Variants in MACROD2 observed in about 807,000 individuals in gnomAD.
MACROD2 encodes ADP-ribose glycohydrolase MACROD2.
A neutral mutation model predicts 70.4 loss-of-function variants in MACROD2; 36 were observed. The ratio of observed to expected loss-of-function variants is 0.51; its 90% CI spans 0.39 to 0.68. The LOEUF is 0.68. Ranked by LOEUF, MACROD2 falls within the 30% of genes least tolerant of loss-of-function variation. The pLI is 0.00. For synonymous variants in MACROD2, 172 were observed against 178.8 expected (o/e 0.96, Z 0.30); for missense variants, 496 against 538.4 (o/e 0.92, Z 0.78).
At chr20:15,719,326 G>T (rs2050751734) in intron 8 of MACROD2, among the ~76,000 whole-genome samples, 1 of 152,172 alleles carries the variant, frequency 6.6e-6, no homozygotes, top group African/African-American at 2.4e-5. Context: ...AGAAGGTACT[G>T]CAGCAAACTA....
chr20:15,155,979 G>A (rs1333685160), intron 5 of MACROD2, among the ~76,000 whole-genome samples: 2 of 152,152 alleles, frequency 1.3e-5, no homozygotes, highest in Non-Finnish European at 2.9e-5. Flanking sequence ...ACATCCTGGT[G>A]TGTGGGTTTT....
intron 3 of MACROD2, among the ~76,000 whole-genome samples, chr20:14,101,993 CTTTTTTTTTTT>C (rs66890047): frequency 1.0e-3 from 26 of 25,028 alleles, no homozygotes; most frequent in East Asian, 1.5e-3. Flanking sequence ...TTTAATGAGT[CTTTTTTTTTTT>C]TTTTTTTTTT....
At chr20:14,016,805 A>T (rs745722334) in intron 2 of MACROD2, among the ~76,000 whole-genome samples, 1 of 152,140 alleles carries the variant, frequency 6.6e-6, no homozygotes, top group Non-Finnish European at 1.5e-5. Flanking sequence ...GAGTCTTCCA[A>T]CTTTTTCTTT....
chr20:15,982,186 C>T (rs976078904), intron 13 of MACROD2, among the ~76,000 whole-genome samples: 2 of 152,052 alleles, frequency 1.3e-5, no homozygotes, highest in African/African-American at 2.4e-5. Flanking sequence ...ATGGGGGGTT[C>T]AGAGGGGTCA....
At chr20:15,869,728 A>T (rs1033145861) in intron 9 of MACROD2, among the ~76,000 whole-genome samples, 4 of 152,082 alleles carry the variant, frequency 2.6e-5, no homozygotes, top group Non-Finnish European at 5.9e-5. Context: ...TTTTTGTATT[A>T]TATATAACAT....
chr20:14,639,431 A>G (rs1984971363), intron 4 of MACROD2, among the ~76,000 whole-genome samples: 1 of 152,142 alleles, frequency 6.6e-6, no homozygotes, highest in African/African-American at 2.4e-5. Flanking sequence ...AGGTTCTGGT[A>G]GAGTTAGTTC....
At chr20:14,992,564 G>A (rs1568916282) in intron 5 of MACROD2, among the ~76,000 whole-genome samples, 1 of 152,134 alleles carries the variant, frequency 6.6e-6, no homozygotes, top group Non-Finnish European at 1.5e-5. Flanking sequence ...CCAAAGTAAT[G>A]TGATATGGCC....
chr20:14,520,286 G>C (rs563881067), intron 4 of MACROD2, among the ~76,000 whole-genome samples: 1 of 152,134 alleles, frequency 6.6e-6, no homozygotes, highest in East Asian at 1.9e-4. Context: ...CAATTTATTT[G>C]CACTAGCTTC....
chr20:15,874,979 A>T (rs2064647464), intron 9 of MACROD2, among the ~76,000 whole-genome samples: 1 of 152,154 alleles, frequency 6.6e-6, no homozygotes, highest in Non-Finnish European at 1.5e-5. Flanking sequence ...AGGAGCTGTG[A>T]CTGTGGAAGA....
chr20:14,924,465 T>TA (rs941232633), intron 5 of MACROD2, among the ~76,000 whole-genome samples: 10 of 148,284 alleles, frequency 6.7e-5, no homozygotes, highest in South Asian at 4.3e-4. Context: ...AAATAAAAAA[T>TA]AAAAAAAAAG....
chr20:15,045,130 A>AAAAAG lies in MACROD2; in HGVS notation c.419-184791_419-184787dup, dbSNP rs779686224. Reference sequence around the variant, plus strand: ...CCTAACAGTACTAAAGATGATCTAGAAAAAGAAAAGAAAAGAAAAGAAATG... The same window carrying AAAAAG: ...CCTAACAGTACTAAAGATGATCTAGAAAAAGAAAAGAAAAGAAAAGAAAAGAAATG... On this transcript the variant is annotated intron_variant, in intron 5 of 17. Coordinates refer to ENST00000684519, the MANE Select transcript of MACROD2 (RefSeq NM_001351661.2). 8.7e-5 allele frequency among the ~76,000 whole-genome samples: 13 copies of AAAAAG among 150,266 alleles called. No homozygotes were observed. In the South Asian group the frequency reaches 1.0e-3, roughly 12 times the overall value.
At chr20:15,644,203 A>G (rs894631085) in intron 8 of MACROD2, among the ~76,000 whole-genome samples, 4 of 152,178 alleles carry the variant, frequency 2.6e-5, no homozygotes, top group Non-Finnish European at 5.9e-5. Flanking sequence ...AAAGTCACAC[A>G]GCTAATATAG....
At chr20:15,559,000 G>A (rs972947533) in intron 8 of MACROD2, among the ~76,000 whole-genome samples, 8 of 151,942 alleles carry the variant, frequency 5.3e-5, no homozygotes, top group African/African-American at 1.9e-4. Flanking sequence ...AGGCCGAGAC[G>A]GGCGGATCAC....
chr20:15,873,264 G>T (rs1452408300), intron 9 of MACROD2, among the ~76,000 whole-genome samples: 2 of 152,018 alleles, frequency 1.3e-5, no homozygotes, highest in African/African-American at 2.4e-5. Context: ...AAATATAAAT[G>T]CCCGAGCCTA....
At chr20:15,946,790 T>G (rs1176821016) in intron 12 of MACROD2, among the ~76,000 whole-genome samples, 1 of 152,112 alleles carries the variant, frequency 6.6e-6, no homozygotes, top group Non-Finnish European at 1.5e-5. Flanking sequence ...GGACCAGCAC[T>G]CAGCACACGG....
chr20:15,480,096 A>G (rs1195942660), intron 7 of MACROD2, among the ~76,000 whole-genome samples: 1 of 152,214 alleles, frequency 6.6e-6, no homozygotes, highest in Non-Finnish European at 1.5e-5. Context: ...CTAATGATAT[A>G]AAGTCCTTAT....
intron 2 of MACROD2, among the ~76,000 whole-genome samples, chr20:14,013,507 C>G (rs867210853): frequency 6.6e-6 from 1 of 151,848 alleles, no homozygotes; most frequent in Non-Finnish European, 1.5e-5. Context: ...CTCCTGACCT[C>G]GTGATCTGCC....
intron 6 of MACROD2, among the ~76,000 whole-genome samples, chr20:15,420,251 A>C (rs1035473177): frequency 6.6e-6 from 1 of 152,184 alleles, no homozygotes; most frequent in East Asian, 1.9e-4. Flanking sequence ...GCTACTATTC[A>C]TGGCCATGTA....
intron 2 of MACROD2, among the ~76,000 whole-genome samples, chr20:14,020,342 A>C (rs901161260): frequency 2.6e-5 from 4 of 152,072 alleles, no homozygotes; most frequent in African/African-American, 9.7e-5. Context: ...TCGTGGTGGC[A>C]CATGCCTGTA....
Sources: allele counts gnomAD v4.1 joint callset (sites outside exome capture counted in the v4.1 genomes callset), GRCh38; gene constraint gnomAD v4.1.1; transcripts MANE v1.5; gene names NCBI Gene and HGNC (gene_info 2026-07-23, HGNC 2026-07-21).